ANKS1B: variants seen among roughly 807,000 people sequenced by gnomAD.
The protein encoded by ANKS1B is ankyrin repeat and sterile alpha motif domain-containing protein 1B.
A neutral mutation model predicts 148.3 loss-of-function variants in ANKS1B; 36 were observed. The observed-to-expected ratio is 0.24, with a 90% CI of 0.19 to 0.32. The LOEUF (loss-of-function observed/expected upper bound fraction) is 0.32, where lower values mean the gene tolerates loss of function less well. ANKS1B is among the 10% of genes least tolerant of loss of function. ANKS1B has a pLI of 1.00. For missense variants in ANKS1B, 1,157 were observed against 1,542.6 expected, an observed-to-expected ratio of 0.75 and a Z score of 4.19; for synonymous variants, 542 against 560.8, an observed-to-expected ratio of 0.97 and a Z score of 0.47.
intron 5 of ANKS1B, among the ~76,000 whole-genome samples, chr12:99,781,398 C>T (rs1345026845): frequency 6.6e-6 from 1 of 152,070 alleles, no homozygotes. Context: ...TGTACCCATG[C>T]CTTTTGATCT....
intron 1 of ANKS1B, among the ~76,000 whole-genome samples, chr12:99,936,557 G>A (rs2094776691): frequency 6.6e-6 from 1 of 152,062 alleles, no homozygotes; most frequent in Non-Finnish European, 1.5e-5. Context: ...GGCTATTTGT[G>A]GTACTCATTT....
At chr12:99,649,028 T>C (rs977331533) in intron 9 of ANKS1B, among the ~76,000 whole-genome samples, 3 of 152,198 alleles carry the variant, frequency 2.0e-5, no homozygotes, top group African/African-American at 7.2e-5. Context: ...CTTCATTTTA[T>C]ATCCACAGCT....
At chr12:99,950,500 CATAA>C (rs1394498275) in intron 1 of ANKS1B, among the ~76,000 whole-genome samples, 3 of 151,982 alleles carry the variant, frequency 2.0e-5, no homozygotes, top group Non-Finnish European at 2.9e-5. Flanking sequence ...ATTGTGACTA[CATAA>C]ATATTCTTCA....
At chr12:99,912,289 C>T (rs1419493674) in intron 1 of ANKS1B, among the ~76,000 whole-genome samples, 1 of 152,112 alleles carries the variant, frequency 6.6e-6, no homozygotes, top group Non-Finnish European at 1.5e-5. Context: ...TTACTGTTTA[C>T]AGTGAGTTTG....
At chr12:99,559,674 AGAAACAGG>A (rs2097312631) in intron 9 of ANKS1B, among the ~76,000 whole-genome samples, 1 of 152,314 alleles carries the variant, frequency 6.6e-6, no homozygotes, top group Non-Finnish European at 1.5e-5. Context: ...TCTCAGAAAA[AGAAACAGG>A]TTCAGCAAAA....
chr12:98,739,142 G>A (rs1018319470), downstream of ANKS1B, among the ~76,000 whole-genome samples: 1 of 152,156 alleles, frequency 6.6e-6, no homozygotes. Flanking sequence ...TCTGGTCCAC[G>A]GCCTTCTGTC....
At chr12:99,142,164 G>T (rs1481843332) in intron 15 of ANKS1B, among the ~76,000 whole-genome samples, 1 of 151,706 alleles carries the variant, frequency 6.6e-6, no homozygotes, top group East Asian at 1.9e-4. Flanking sequence ...AGACTGAGAA[G>T]GTAGGAGGAG....
intron 9 of ANKS1B, among the ~76,000 whole-genome samples, chr12:99,628,445 T>A (rs2098129841): frequency 6.6e-6 from 1 of 152,188 alleles, no homozygotes; most frequent in Non-Finnish European, 1.5e-5. Context: ...GTCTGAAAAC[T>A]TACACTCTGG....
At chr12:99,403,152 C>CTTTTTTTTTTTTT (rs143800860) in intron 11 of ANKS1B, among the ~76,000 whole-genome samples, 1 of 73,150 alleles carries the variant, frequency 1.4e-5, no homozygotes, top group East Asian at 4.3e-4. Flanking sequence ...ACTTTTCTTT[C>CTTTTTTTTTTTTT]TTTTTTTTTT....
chr12:99,911,631 T>C (rs2094007753), intron 1 of ANKS1B, among the ~76,000 whole-genome samples: 1 of 152,194 alleles, frequency 6.6e-6, no homozygotes. Context: ...CACATAATGA[T>C]TTATTAACTT....
chr12:99,066,619 A>C (rs2153575633), intron 16 of ANKS1B, among the ~76,000 whole-genome samples: 1 of 152,342 alleles, frequency 6.6e-6, no homozygotes, highest in Non-Finnish European at 1.5e-5. Flanking sequence ...CTTACATTTC[A>C]GCAGAATCAC....
intron 14 of ANKS1B, among the ~76,000 whole-genome samples, chr12:99,216,807 T>C (rs4762565): frequency 0.85 from 129,193 of 152,254 alleles, 55,376 homozygotes; most frequent in East Asian, 1. Context: ...CATATGGCTG[T>C]CCAGCCAAAG....
At chr12:98,828,842 A>G (rs958671833) in intron 19 of ANKS1B, among the ~76,000 whole-genome samples, 7 of 152,290 alleles carry the variant, frequency 4.6e-5, no homozygotes, top group Admixed American at 3.9e-4. Context: ...ACCAATTTAC[A>G]TTTTGTAATC....
intron 19 of ANKS1B, among the ~76,000 whole-genome samples, chr12:98,821,916 T>C (rs2153664395): frequency 6.6e-6 from 1 of 150,956 alleles, no homozygotes; most frequent in East Asian, 1.9e-4. Context: ...CCTGGGACTT[T>C]TTTTTTTTTT....
chr12:99,792,744 G>A (rs2065815164), intron 4 of ANKS1B, among the ~76,000 whole-genome samples: 1 of 151,840 alleles, frequency 6.6e-6, no homozygotes, highest in Admixed American at 6.6e-5. Context: ...GTATCATACT[G>A]AATGGGGGAA....
rs2075854097 is a variant in ANKS1B, at chr12:99,155,089, A to G, written c.2420-694T>C. On this transcript the variant is annotated intron_variant, in intron 14 of 26. Transcript: ENST00000683438. Reference sequence around the variant, plus strand: ...TGAATCTTCATACTGGTTATACGTTACAGAGCTATTTGTTGTGGAATTTTA... The same window carrying G: ...TGAATCTTCATACTGGTTATACGTTGCAGAGCTATTTGTTGTGGAATTTTA... 5.9e-6 allele frequency: 9 copies of G among 1,529,036 alleles called. No individual in the cohort carries two copies. The South Asian group carries it at 9.6e-5, about 16-fold the overall frequency. 94.7% of individuals were successfully genotyped at this position (1,529,036 alleles called of 1,614,324 possible).
At chr12:99,155,289 T>C (rs2075882214) in intron 14 of ANKS1B, among the ~76,000 whole-genome samples, 1 of 152,228 alleles carries the variant, frequency 6.6e-6, no homozygotes, top group Admixed American at 6.5e-5. Context: ...ATAATTATTC[T>C]GTTTCTTTAC....
intron 12 of ANKS1B, among the ~76,000 whole-genome samples, chr12:99,322,566 T>C (rs533628144): frequency 6.7e-6 from 1 of 150,242 alleles, no homozygotes; most frequent in African/African-American, 2.5e-5. Context: ...CAAAAAACAA[T>C]ATTGGCTTTG....
chr12:99,200,539 A>T (rs1182495485), intron 14 of ANKS1B, among the ~76,000 whole-genome samples: 1 of 152,190 alleles, frequency 6.6e-6, no homozygotes, highest in South Asian at 2.1e-4. Flanking sequence ...TGTCATTGGC[A>T]CTTAAATTTT....
Sources: gnomAD v4.1 joint callset for allele counts (sites outside exome capture counted in the v4.1 genomes callset) on GRCh38, gnomAD v4.1.1 for gene constraint, MANE v1.5 for transcripts, NCBI Gene and HGNC (gene_info 2026-07-23, HGNC 2026-07-21) for gene names.